The following EPB41L3 variants were observed in gnomAD, a reference collection of about 807,000 sequenced individuals.
The protein encoded by EPB41L3 is band 4.1-like protein 3.
A neutral mutation model predicts 127.1 loss-of-function variants in EPB41L3; 57 were observed. The observed-to-expected ratio is 0.45, with a 90% CI of 0.36 to 0.56. EPB41L3 has a LOEUF of 0.56. Ranked by LOEUF, EPB41L3 falls within the 20% of genes least tolerant of loss-of-function variation. The pLI is 0.00. For synonymous variants in EPB41L3, 572 were observed against 549.5 expected, an observed-to-expected ratio of 1.04 and a Z score of -0.57; for missense variants, 1,273 against 1,372.2, an observed-to-expected ratio of 0.93 and a Z score of 1.14.
intron 6 of EPB41L3, among the ~76,000 whole-genome samples, chr18:5,435,336 C>G (rs764543095): frequency 1.3e-5 from 2 of 152,198 alleles, no homozygotes; most frequent in Non-Finnish European, 2.9e-5. Context: ...TTCCCATTCA[C>G]TCTTCACTCA....
intron 3 of EPB41L3, among the ~76,000 whole-genome samples, chr18:5,467,225 T>C (rs1304091089): frequency 6.6e-6 from 1 of 152,246 alleles, no homozygotes; most frequent in Non-Finnish European, 1.5e-5. Flanking sequence ...TTTCCAGCTA[T>C]TTTCCTCTTC....
At chr18:5,624,037 G>A (rs2094895502) in intron 1 of EPB41L3, among the ~76,000 whole-genome samples, 1 of 152,120 alleles carries the variant, frequency 6.6e-6, no homozygotes, top group Non-Finnish European at 1.5e-5. Flanking sequence ...GTCTTGCTCT[G>A]TCACCCAGGC....
In EPB41L3 at chr18:5,397,327, C is replaced by T. The variant is rs200113280; in HGVS notation, c.2572G>A (p.Val858Met). Reference protein sequence around the residue: ...TEKVVQETVLVEERRVVHASG... With the variant: ...TEKVVQETVLMEERRVVHASG... ...GCGTGCACCACACGCCGCTCCTCCA[C>T]CAACACGGTCTCCTGCACCACCTTC... The change falls in exon 18 of 23, where the codon GTG becomes ATG. Residue 858 changes from valine to methionine, a missense_variant. Val to Met is a conservative substitution (Grantham distance 21). This residue lies in a region of EPB41L3 where 765 missense variants were observed against 782.9 expected (regional missense o/e 0.98). Coordinates refer to ENST00000341928, the MANE Select transcript of EPB41L3 (RefSeq NM_012307.5). This position sits in a 1 kb window ranked among gnomAD's most constrained non-coding sequence, Gnocchi z 4.1. The T allele has an allele frequency of 5.5e-5, 88 of 1,614,078 alleles. No individual in the cohort carries two copies. The highest frequency in any genetic ancestry group is 1.7e-4 in the African/African-American group (13 of 75,058).
chr18:5,545,816 G>A (rs2093869403), upstream of EPB41L3, among the ~76,000 whole-genome samples: 1 of 152,028 alleles, frequency 6.6e-6, no homozygotes, highest in South Asian at 2.1e-4. Context: ...GTCAGAAAGT[G>A]TTGCGTATGA....
intron 20 of EPB41L3, 88 bp from the exon 21 acceptor site, chr18:5,395,235 C>T: frequency 9.4e-7 from 1 of 1,062,918 alleles, no homozygotes; most frequent in Non-Finnish European, 1.5e-6. Flanking sequence ...AAGATGCTGA[C>T]ATCATTCACT....
chr18:5,412,818 T>C (rs1258897234), intron 13 of EPB41L3, among the ~76,000 whole-genome samples: 8 of 151,222 alleles, frequency 5.3e-5, no homozygotes, highest in East Asian at 3.9e-4. Context: ...CCTAACTGTA[T>C]TGGGTAATGG....
intron 3 of EPB41L3, among the ~76,000 whole-genome samples, chr18:5,551,868 T>A (rs1365738750): frequency 6.6e-6 from 1 of 152,206 alleles, no homozygotes; most frequent in Non-Finnish European, 1.5e-5. Flanking sequence ...ATATTGATGC[T>A]TAAGCTGTAT....
chr18:5,462,367 GAATC>G lies in EPB41L3; in HGVS notation c.381+15870_381+15873del, dbSNP rs139385184. On this transcript the variant is annotated intron_variant, in intron 3 of 22. Coordinates refer to ENST00000341928, the MANE Select transcript of EPB41L3 (RefSeq NM_012307.5). The stretch of plus-strand genomic sequence containing the variant: ...GGCAATGAACTGAAAGAAGGCACAA[GAATC>G]AATCAAAGAGCATGACAACACTCAA... 3.5e-3 allele frequency among the ~76,000 whole-genome samples: 534 copies of G among 152,290 alleles called. 2 individuals carry two copies. The highest frequency in any genetic ancestry group is 0.012 in the African/African-American group (498 of 41,554).
chr18:5,562,190 G>C (rs2094143321), intron 3 of EPB41L3, among the ~76,000 whole-genome samples: 1 of 152,186 alleles, frequency 6.6e-6, no homozygotes, highest in Non-Finnish European at 1.5e-5. Context: ...TGGCCATTGT[G>C]CTGTGTATTT....
chr18:5,622,837 TG>T (rs1186424190), intron 1 of EPB41L3, among the ~76,000 whole-genome samples: 2 of 152,170 alleles, frequency 1.3e-5, no homozygotes, highest in African/African-American at 4.8e-5. Flanking sequence ...AAGGTGAATA[TG>T]AGTCTCTGAT....
At chr18:5,628,940 C>A in exon 1 of EPB41L3, 1 of 152,542 alleles carries the variant, frequency 6.6e-6, no homozygotes, top group South Asian at 2.1e-4. Flanking sequence ...CCGCGCTTCC[C>A]CGCCAGCCGC....
At chr18:5,498,744 A>G (rs1278088144) in intron 1 of EPB41L3, among the ~76,000 whole-genome samples, 1 of 152,166 alleles carries the variant, frequency 6.6e-6, no homozygotes, top group African/African-American at 2.4e-5. Context: ...ACATAAGAGC[A>G]AAAGTATTCA....
chr18:5,597,989 T>C (rs1451605922), intron 3 of EPB41L3, among the ~76,000 whole-genome samples: 1 of 152,170 alleles, frequency 6.6e-6, no homozygotes, highest in Non-Finnish European at 1.5e-5. Context: ...ATGTTTCTAA[T>C]TCCTGTAGCA....
At chr18:5,574,441 T>G (rs1190441579) in intron 3 of EPB41L3, among the ~76,000 whole-genome samples, 1 of 151,648 alleles carries the variant, frequency 6.6e-6, no homozygotes, top group African/African-American at 2.4e-5. Flanking sequence ...TTTTATTTAT[T>G]TATTTATTTA....
chr18:5,464,103 T>A (rs11663092), intron 3 of EPB41L3, among the ~76,000 whole-genome samples: 43,358 of 152,016 alleles, frequency 0.29, 6,896 homozygotes, highest in East Asian at 0.47. Flanking sequence ...TCACATCTCT[T>A]CATCTGCCCC....
chr18:5,394,936 A>C, intron 21 of EPB41L3, 131 bp downstream of exon 21: 8 of 1,205,678 alleles, frequency 6.6e-6, no homozygotes, highest in Non-Finnish European at 9.7e-6. Flanking sequence ...ATCATAAATC[A>C]TATATTGGAA....
chr18:5,462,896 G>A (rs182100039), intron 3 of EPB41L3, among the ~76,000 whole-genome samples: 1 of 152,090 alleles, frequency 6.6e-6, no homozygotes, highest in Non-Finnish European at 1.5e-5. Flanking sequence ...TAAATTCAAC[G>A]CATCTAAGTT....
At chr18:5,484,873 C>T (rs1361079548) in intron 2 of EPB41L3, among the ~76,000 whole-genome samples, 1 of 151,728 alleles carries the variant, frequency 6.6e-6, no homozygotes, top group African/African-American at 2.4e-5. Flanking sequence ...AAGCCCAAGA[C>T]CTGAAGGCTT....
At chr18:5,470,380 G>A (rs2085894011) in intron 3 of EPB41L3, among the ~76,000 whole-genome samples, 1 of 152,208 alleles carries the variant, frequency 6.6e-6, no homozygotes, top group South Asian at 2.1e-4. Context: ...CCTGCAAAAT[G>A]AGTACAGCTC....
Sources: gnomAD v4.1 joint callset for allele counts (sites outside exome capture counted in the v4.1 genomes callset) on GRCh38, gnomAD v4.1.1 for gene constraint, gnomAD v4.1.1 regional missense constraint, Gnocchi (gnomAD v3.1) non-coding constraint, MANE v1.5 for transcripts, NCBI Gene and HGNC (gene_info 2026-07-23, HGNC 2026-07-21) for gene names.